Variants in SYNDIG1 observed in about 807,000 individuals in gnomAD.
SYNDIG1 encodes synapse differentiation-inducing gene protein 1.
A neutral mutation model predicts 19.4 loss-of-function variants in SYNDIG1; 9 were observed. The observed-to-expected ratio is 0.46, with a 90% CI of 0.28 to 0.81. The LOEUF is 0.81. Among genes scored for constraint, SYNDIG1 ranks in the 30% least tolerant of loss-of-function variants. The pLI, the probability that SYNDIG1 is intolerant of heterozygous loss-of-function variation, is 0.12. For synonymous variants in SYNDIG1, 141 were observed against 145.9 expected (o/e 0.97, Z 0.24); for missense variants, 311 against 343.3 (o/e 0.91, Z 0.74).
intron 3 of SYNDIG1, among the ~76,000 whole-genome samples, chr20:24,606,608 T>G (rs1473799241): frequency 6.6e-6 from 1 of 152,218 alleles, no homozygotes; most frequent in Non-Finnish European, 1.5e-5. Context: ...CTACTTTGAA[T>G]AGATTTAGGA....
At chr20:24,641,442 A>G (rs1407107051) in intron 3 of SYNDIG1, among the ~76,000 whole-genome samples, 1 of 152,186 alleles carries the variant, frequency 6.6e-6, no homozygotes, top group Non-Finnish European at 1.5e-5. Context: ...GGAAAACAGT[A>G]TTGATAATGG....
intron 3 of SYNDIG1, among the ~76,000 whole-genome samples, chr20:24,645,329 A>C (rs1271806777): frequency 1.3e-5 from 2 of 152,194 alleles, no homozygotes; most frequent in Non-Finnish European, 2.9e-5. Flanking sequence ...GGCCTAGATA[A>C]TCTGAGTAGG....
intron 3 of SYNDIG1, among the ~76,000 whole-genome samples, chr20:24,609,919 A>G (rs542997605): frequency 1.3e-5 from 2 of 151,994 alleles, no homozygotes; most frequent in Non-Finnish European, 2.9e-5. Context: ...TTCTGCCATT[A>G]TCCTCCTTGC....
chr20:24,647,380 G>T (rs535237213), intron 3 of SYNDIG1, among the ~76,000 whole-genome samples: 2 of 152,180 alleles, frequency 1.3e-5, no homozygotes, highest in South Asian at 4.2e-4. Context: ...TCTGCTTTGG[G>T]TACATATGCC....
intron 2 of SYNDIG1, among the ~76,000 whole-genome samples, chr20:24,582,146 C>T (rs2058336640): frequency 2.1e-5 from 3 of 141,474 alleles, no homozygotes; most frequent in South Asian, 2.4e-4. Context: ...CCCTGCTGCA[C>T]TCCCTCCCCA....
At chr20:24,482,792 A>G (rs1479805813) in intron 1 of SYNDIG1, among the ~76,000 whole-genome samples, 2 of 152,246 alleles carry the variant, frequency 1.3e-5, no homozygotes, top group Admixed American at 6.5e-5. Flanking sequence ...ATCAATGTCC[A>G]TGGTAAACTA....
intron 3 of SYNDIG1, among the ~76,000 whole-genome samples, chr20:24,627,492 C>T (rs944424988): frequency 1.1e-4 from 16 of 152,192 alleles, no homozygotes; most frequent in Non-Finnish European, 1.8e-4. Flanking sequence ...TCCCCTGATT[C>T]TGATGACCTA....
chr20:24,479,859 C>T (rs1011444784), intron 1 of SYNDIG1, among the ~76,000 whole-genome samples: 7 of 152,276 alleles, frequency 4.6e-5, no homozygotes, highest in Admixed American at 4.6e-4. Context: ...CAAGGCAAGG[C>T]TGTCCTGTCA....
rs995255130 is a variant in SYNDIG1, at chr20:24,556,333, A to T, written c.480+12756A>T. 2.2e-3 allele frequency among the ~76,000 whole-genome samples: 341 copies of T among 152,216 alleles called. 8 individuals are homozygous for T. Among genetic ancestry groups the T allele is most frequent in the Admixed American group, 0.02 (311 of 15,282 alleles). On this transcript the variant is annotated intron_variant, in intron 2 of 3. Transcript: ENST00000376862. ...TAAAGTTGATATTGTTTTGTGTGAA[A>T]TTGATCCTGTCATTATGATGTTAGC...
At chr20:24,647,738 A>G (rs530876957) in intron 3 of SYNDIG1, among the ~76,000 whole-genome samples, 2 of 151,174 alleles carry the variant, frequency 1.3e-5, no homozygotes, top group African/African-American at 4.9e-5. Context: ...TAAAAAGCTC[A>G]GGAAATGGGT....
intron 3 of SYNDIG1, among the ~76,000 whole-genome samples, chr20:24,633,539 C>T (rs2059278124): frequency 6.6e-6 from 1 of 152,178 alleles, no homozygotes; most frequent in Admixed American, 6.5e-5. Flanking sequence ...AGTTGGTCCC[C>T]TTTTGATTCT....
In SYNDIG1 at chr20:24,640,516, A is replaced by T. The variant is rs1471605973; in HGVS notation, c.619-24830A>T. 1.9e-4 allele frequency among the ~76,000 whole-genome samples: 27 copies of T among 139,150 alleles called. No individual in the cohort carries two copies. The East Asian group carries it at 4.7e-3, about 24-fold the overall frequency. The allele number at this position is 139,150 out of a possible 152,430, so 91.3% of individuals were successfully genotyped here. ...AAGGAAGGAAGGAAGGAAGGAAGGA[A>T]GGAAGGAAGGAAGGAGCTTTTCTTC... On this transcript the variant is annotated intron_variant, in intron 3 of 3. Coordinates refer to ENST00000376862, the MANE Select transcript of SYNDIG1 (RefSeq NM_024893.3).
At chr20:24,615,849 C>T (rs1410458419) in intron 3 of SYNDIG1, among the ~76,000 whole-genome samples, 1 of 146,352 alleles carries the variant, frequency 6.8e-6, no homozygotes, top group Non-Finnish European at 1.5e-5. Context: ...CCGCCCCTCT[C>T]TGTAGAGGAA....
chr20:24,516,623 A>G (rs914881125), intron 1 of SYNDIG1, among the ~76,000 whole-genome samples: 2 of 152,244 alleles, frequency 1.3e-5, no homozygotes, highest in East Asian at 1.9e-4. Flanking sequence ...ATGAGATACC[A>G]TATCACACTA....
intron 1 of SYNDIG1, among the ~76,000 whole-genome samples, chr20:24,486,937 G>A (rs916737559): frequency 2.0e-5 from 3 of 152,176 alleles, no homozygotes; most frequent in South Asian, 2.1e-4. Context: ...GATTACAGGT[G>A]TGAGCCGCCG....
intron 2 of SYNDIG1, among the ~76,000 whole-genome samples, chr20:24,576,224 A>G (rs186965952): frequency 2.8e-4 from 43 of 152,370 alleles, no homozygotes; most frequent in African/African-American, 9.9e-4. Context: ...TGTTGCAATT[A>G]GAAATACTTA....
intron 1 of SYNDIG1, chr20:24,495,654 A>C (rs1038517776): frequency 7.2e-5 from 11 of 152,164 alleles, no homozygotes; most frequent in Admixed American, 2.0e-4. Context: ...TTTGGACAGA[A>C]CAAGGATCAA....
chr20:24,504,894 C>T (rs1600462444), intron 1 of SYNDIG1, among the ~76,000 whole-genome samples: 4 of 152,248 alleles, frequency 2.6e-5, no homozygotes, highest in Admixed American at 2.6e-4. Context: ...CTGCAATAGC[C>T]CAGTAAGGAT....
At position 24,543,337 on chromosome 20, in the gene SYNDIG1, G is replaced by A. The variant is rs777563187; in HGVS notation, c.240G>A (p.Gln80=). ...AGCTGCTGGACCCCAACACCCTGCA[G>A]CAGTCAGTGGAGTCCCGCTACCGGC... ...MQQLLDPNTL[Q]QSVESRYRPN... The change falls in exon 2 of 4, where the codon CAG becomes CAA. Residue 80 remains glutamine, a synonymous_variant. Transcript: ENST00000376862. The A allele has an allele frequency of 6.2e-7, 1 of 1,613,600 alleles. No homozygotes were observed. Among genetic ancestry groups the A allele is most frequent in the Non-Finnish European group, 8.5e-7 (1 of 1,180,038 alleles).
Sources: allele counts gnomAD v4.1 joint callset (sites outside exome capture counted in the v4.1 genomes callset), GRCh38; gene constraint gnomAD v4.1.1; transcripts MANE v1.5; gene names NCBI Gene and HGNC (gene_info 2026-07-23, HGNC 2026-07-21).